CHM: variants seen among roughly 807,000 people sequenced by gnomAD.
CHM encodes the protein CHM Rab escort protein.
In CHM, 10 loss-of-function variants were observed where a neutral mutation model predicts 49.0. The observed-to-expected ratio is 0.20, with a 90% CI of 0.13 to 0.35. The LOEUF (loss-of-function observed/expected upper bound fraction) is 0.35. Ranked by LOEUF, CHM falls within the 10% of genes least tolerant of loss-of-function variation. CHM has a pLI of 1.00. For synonymous variants in CHM, 184 were observed against 167.5 expected (o/e 1.10, Z -0.76); for missense variants, 455 against 478.4 (o/e 0.95, Z 0.46).
At chrX:85,913,376 G>GAAAGAA (rs1927233595) in intron 8 of CHM, among the ~76,000 whole-genome samples, 2 of 89,833 alleles carry the variant, frequency 2.2e-5, no homozygotes, top group African/African-American at 7.9e-5. Flanking sequence ...AAGAAAGAAA[G>GAAAGAA]AAAGAAAGAA....
At chrX:86,021,125 CGT>C (rs1491348545) in intron 2 of CHM, among the ~76,000 whole-genome samples, 9 of 19,993 alleles carry the variant, frequency 4.5e-4, no homozygotes, top group African/African-American at 1.0e-3. Context: ...TGTGTATATA[CGT>C]ATATATATAT....
chrX:85,870,792 T>C (rs1405169797), intron 14 of CHM, among the ~76,000 whole-genome samples: 1 of 111,796 alleles, frequency 8.9e-6, no homozygotes, highest in Admixed American at 9.5e-5. Flanking sequence ...AGGTTGGTAT[T>C]GCGGTGGCAA....
At chrX:85,969,005 A>T in intron 4 of CHM, 1 of 469,743 alleles carries the variant, frequency 2.1e-6, no homozygotes. Context: ...CATCTAAATT[A>T]GAAGTATTAG....
intron 8 of CHM, among the ~76,000 whole-genome samples, chrX:85,939,017 T>C (rs1439475007): frequency 8.9e-6 from 1 of 112,313 alleles, no homozygotes; most frequent in Non-Finnish European, 1.9e-5. Context: ...CTTACGTATG[T>C]TTAGATACAC....
chrX:85,927,653 T>A (rs1928172722), intron 8 of CHM, among the ~76,000 whole-genome samples: 1 of 112,139 alleles, frequency 8.9e-6, no homozygotes, highest in Non-Finnish European at 1.9e-5. Context: ...CAACAGACAT[T>A]TAAATCAATA....
chrX:85,995,839 T>A (rs1932412934), intron 2 of CHM, among the ~76,000 whole-genome samples: 1 of 111,674 alleles, frequency 9.0e-6, no homozygotes, highest in Non-Finnish European at 1.9e-5. Flanking sequence ...ATTCATAAAT[T>A]AGTTCCACAG....
chrX:85,892,000 C>T (rs1925495126), intron 12 of CHM, among the ~76,000 whole-genome samples: 2 of 111,955 alleles, frequency 1.8e-5, no homozygotes, highest in African/African-American at 6.5e-5. Flanking sequence ...TAAAATTTGA[C>T]TGCCCCGCTG....
rs1435661431 is a variant in CHM, at chrX:85,914,659, CCCTT to C, written c.1167-3325_1167-3322del. Among the ~76,000 whole-genome samples the C allele has an allele frequency of 2.7e-5, 3 of 111,075 alleles. No homozygotes were observed. In the South Asian group the frequency reaches 1.2e-3, roughly 43 times the overall value. ...CACAGTCCCACTGACACACTGGGAG[CCCTT>C]CCCTCAGCGATACCATTGCTGCAGT... is the stretch of plus-strand genomic sequence containing the variant. On this transcript the variant is annotated intron_variant, in intron 8 of 14. Transcript: ENST00000357749.
At chrX:86,024,355 T>C (rs1161679528) in intron 2 of CHM, among the ~76,000 whole-genome samples, 1 of 112,386 alleles carries the variant, frequency 8.9e-6, no homozygotes. Context: ...ATTTGGACTT[T>C]CTCCTAAAAT....
At chrX:85,945,565 C>T (rs779748942) in intron 8 of CHM, among the ~76,000 whole-genome samples, 1 of 103,898 alleles carries the variant, frequency 9.6e-6, no homozygotes, top group Admixed American at 1.1e-4. Context: ...TCCTATGGTG[C>T]TGCATCCTTC....
intron 5 of CHM, among the ~76,000 whole-genome samples, chrX:85,960,374 G>T (rs987388210): frequency 2.3e-4 from 25 of 110,533 alleles, no homozygotes; most frequent in African/African-American, 7.5e-4. Flanking sequence ...CTAGATTTTT[G>T]TTTCTGAAGC....
chrX:85,982,329 G>C (rs1320221550), intron 2 of CHM, among the ~76,000 whole-genome samples: 2 of 110,635 alleles, frequency 1.8e-5, no homozygotes, highest in Non-Finnish European at 3.8e-5. Flanking sequence ...GGCTACTCTA[G>C]ATAAAGTGGA....
intron 4 of CHM, chrX:85,970,240 G>A (rs1336939493): frequency 2.7e-6 from 2 of 736,967 alleles, no homozygotes; most frequent in Admixed American, 8.9e-5. Context: ...AAAATCCCAT[G>A]GCATATAAAC....
intron 2 of CHM, among the ~76,000 whole-genome samples, chrX:86,023,202 T>C (rs766875939): frequency 2.7e-5 from 3 of 111,583 alleles, no homozygotes; most frequent in Non-Finnish European, 5.7e-5. Flanking sequence ...AATAGCTCTT[T>C]AATATCTATA....
intron 14 of CHM, among the ~76,000 whole-genome samples, chrX:85,867,445 G>A (rs918356890): frequency 1.1e-4 from 12 of 111,960 alleles, no homozygotes; most frequent in Middle Eastern, 4.6e-3. Flanking sequence ...AGCAGTGTGA[G>A]GACAGACTAA....
At chrX:86,035,493 A>C (rs780650506) in intron 1 of CHM, among the ~76,000 whole-genome samples, 1 of 111,892 alleles carries the variant, frequency 8.9e-6, no homozygotes, top group Non-Finnish European at 1.9e-5. Flanking sequence ...AAAATTAAAG[A>C]AAAAATCATT....
At chrX:85,876,679 T>C (rs1226376445) in intron 13 of CHM, among the ~76,000 whole-genome samples, 1 of 111,699 alleles carries the variant, frequency 9.0e-6, no homozygotes, top group African/African-American at 3.2e-5. Flanking sequence ...AAGGCCTATG[T>C]GTCAGTGAAA....
chrX:86,040,250 A>G (rs1054496382), intron 1 of CHM, among the ~76,000 whole-genome samples: 1 of 112,366 alleles, frequency 8.9e-6, no homozygotes, highest in Non-Finnish European at 1.9e-5. Flanking sequence ...CCACAGGGCC[A>G]GCACAGAGTT....
rs142340268 is a variant in CHM, at chrX:85,873,109, G to A, written c.1713C>T (p.Asn571=). The A allele has an allele frequency of 1.7e-4, 203 of 1,205,398 alleles. No homozygotes were observed. Among genetic ancestry groups the A allele is most frequent in the Non-Finnish European group, 2.2e-4 (197 of 891,777 alleles). The part of the protein sequence containing the change: ...SRSCYNDLPS[N]VYVCSGPDCG... ...AATCTGGGCCAGAGCAGACATAAAC[G>A]TTGGATGGTAAATCATTATAACAGC... The change falls in exon 14 of 15, where the codon AAC becomes AAT. Residue 571 remains asparagine, a synonymous_variant. Transcript: ENST00000357749.
Sources: gnomAD v4.1 joint callset for allele counts (sites outside exome capture counted in the v4.1 genomes callset) on GRCh38, gnomAD v4.1.1 for gene constraint, MANE v1.5 for transcripts, NCBI Gene and HGNC (gene_info 2026-07-23, HGNC 2026-07-21) for gene names.